DNAH11: variants seen among roughly 807,000 people sequenced by gnomAD.
DNAH11 encodes axonemal beta dynein heavy chain 11.
A neutral mutation model predicts 526.0 loss-of-function variants in DNAH11; 442 were observed. That is an observed-to-expected ratio of 0.84 (90% CI 0.78 to 0.91). The LOEUF (loss-of-function observed/expected upper bound fraction) is 0.91, where lower values mean the gene tolerates loss of function less well. Among genes scored for constraint, DNAH11 ranks in the 40% least tolerant of loss-of-function variants. The pLI is 0.00. For synonymous variants in DNAH11, 2,461 were observed against 1,935.9 expected, an observed-to-expected ratio of 1.27 and a Z score of -7.12; for missense variants, 6,989 against 5,448.7, an observed-to-expected ratio of 1.28 and a Z score of -8.90.
chr7:21,703,430 C>G (rs1583609473), intron 37 of DNAH11: 1 of 152,478 alleles, frequency 6.6e-6, no homozygotes, highest in Non-Finnish European at 1.5e-5. Context: ...AGAGGTTTAA[C>G]TGACTCACAG....
intron 76 of DNAH11, among the ~76,000 whole-genome samples, chr7:21,891,416 G>A (rs1262173590): frequency 6.6e-6 from 1 of 152,134 alleles, no homozygotes; most frequent in Non-Finnish European, 1.5e-5. Flanking sequence ...TTAAAACAGA[G>A]GGGTTAATGG....
intron 34 of DNAH11, 49 bp downstream of exon 34, chr7:21,687,576 T>A: frequency 1.3e-6 from 2 of 1,580,072 alleles, no homozygotes; most frequent in Non-Finnish European, 1.7e-6. Flanking sequence ...AAACATGGAA[T>A]AATGCAGGTA....
chr7:21,597,914 C>T lies in DNAH11; in HGVS notation c.2668-1873C>T, dbSNP rs187264759. ...ATACTTTCCTAGGGTGTGTACTGCA[C>T]AATTCCAGGGGTGCATGTCACATGA... On this transcript the variant is annotated intron_variant, in intron 14 of 81. Transcript: ENST00000409508. 4.1e-4 allele frequency among the ~76,000 whole-genome samples: 62 copies of T among 152,286 alleles called. 1 individual carries two copies. The highest frequency in any genetic ancestry group is 4.0e-3 in the Admixed American group (61 of 15,304).
chr7:21,683,989 A>G lies in DNAH11; in HGVS notation c.5621+45A>G, dbSNP rs1433517762. 1.9e-6 allele frequency: 3 copies of G among 1,600,176 alleles called. No homozygotes were observed. In the Admixed American group the frequency reaches 5.1e-5, roughly 27 times the overall value. The stretch of plus-strand genomic sequence containing the variant: ...GTCCAGATAGGAAAAACAACCCAAA[A>G]AAGTCCCCTAGTGTGAGAATGAAAA... On this transcript the variant is annotated intron_variant, in intron 32 of 81. Coordinates refer to ENST00000409508, the MANE Select transcript of DNAH11 (RefSeq NM_001277115.2).
intron 66 of DNAH11, among the ~76,000 whole-genome samples, chr7:21,845,518 A>G (rs1005780548): frequency 1.3e-5 from 2 of 152,052 alleles, no homozygotes; most frequent in African/African-American, 4.8e-5. Context: ...AGTTGGCCAT[A>G]TTTCATATGA....
At chr7:21,636,201 G>C in intron 26 of DNAH11, 106 bp downstream of exon 26, 1 of 951,742 alleles carries the variant, frequency 1.1e-6, no homozygotes, top group Non-Finnish European at 1.5e-6. Context: ...TGAGTAAGCA[G>C]GAGTCAGGAG....
chr7:21,695,867 T>C (rs1269498693), intron 35 of DNAH11, among the ~76,000 whole-genome samples: 1 of 151,886 alleles, frequency 6.6e-6, no homozygotes, highest in East Asian at 1.9e-4. Flanking sequence ...ATATCCAGAA[T>C]CTACAAGGAA....
intron 34 of DNAH11, 123 bp downstream of exon 34, chr7:21,687,650 G>A (rs887979840): frequency 7.3e-6 from 9 of 1,235,988 alleles, no homozygotes; most frequent in Non-Finnish European, 9.9e-6. Flanking sequence ...GGAAGATTCT[G>A]GTCGATTTGG....
chr7:21,864,514 T>A, intron 69 of DNAH11, 21 bp from the exon 70 acceptor site: 1 of 1,607,952 alleles, frequency 6.2e-7, no homozygotes, highest in Non-Finnish European at 8.5e-7. Flanking sequence ...ATAATCCTTT[T>A]CAATTTTGTC....
rs753170391 is a variant in DNAH11 at position 21,707,791 on chromosome 7, C to G, written c.6639C>G (p.Leu2213=). ...LNPKAVTTDE[L]FGFIHHATRE... ...CTAAAGCTGTGACAACAGATGAACT[C>G]TTTGGTTTCATACATCATGCTACCC... The change falls in exon 40 of 82, where the codon CTC becomes CTG. Residue 2213 remains leucine, a synonymous_variant. Coordinates refer to ENST00000409508, the MANE Select transcript of DNAH11 (RefSeq NM_001277115.2). 9.3e-6 allele frequency: 15 copies of G among 1,611,418 alleles called. No individual in the cohort carries two copies. The highest frequency in any genetic ancestry group is 1.3e-5 in the Non-Finnish European group (15 of 1,178,948).
chr7:21,656,518 C>G (rs1583568210), intron 29 of DNAH11, among the ~76,000 whole-genome samples: 1 of 152,176 alleles, frequency 6.6e-6, no homozygotes, highest in Non-Finnish European at 1.5e-5. Flanking sequence ...ATATTCTCTC[C>G]TCTCACAGCC....
At chr7:21,586,711 C>T (rs1003560516) in intron 9 of DNAH11, among the ~76,000 whole-genome samples, 7 of 152,102 alleles carry the variant, frequency 4.6e-5, no homozygotes, top group South Asian at 2.1e-4. Flanking sequence ...CTAAACAAGG[C>T]GTGACCTTGG....
intron 51 of DNAH11, 141 bp downstream of exon 51, chr7:21,745,204 A>G: frequency 1.1e-6 from 1 of 895,060 alleles, no homozygotes; most frequent in South Asian, 2.0e-5. Context: ...TAAAATATAA[A>G]AGGGTCGCTT....
At chr7:21,652,589 T>C (rs543213755) in intron 28 of DNAH11, among the ~76,000 whole-genome samples, 2 of 152,316 alleles carry the variant, frequency 1.3e-5, no homozygotes, top group African/African-American at 4.8e-5. Context: ...GTGAGAAGCT[T>C]TAATGTTTTG....
intron 39 of DNAH11, among the ~76,000 whole-genome samples, chr7:21,706,671 G>A (rs184849234): frequency 6.6e-6 from 1 of 152,160 alleles, no homozygotes; most frequent in East Asian, 1.9e-4. Context: ...CTTTCTTCTA[G>A]TCTTCACCAG....
rs766063976 is a variant in DNAH11 at position 21,559,625 on chromosome 7, ATAC to A, written c.717_719del (p.Leu240del). On this transcript the variant is annotated inframe_deletion, in exon 4 of 82. Coordinates refer to ENST00000409508, the MANE Select transcript of DNAH11 (RefSeq NM_001277115.2). ...TAGGCCACCGTCAAACGAAAGGATA[ATAC>A]TTCATGCAATTGAATCTGTGGTTAT... 17 of 1,610,142 alleles carry A rather than the reference ATAC, an allele frequency of 1.1e-5. No individual in the cohort carries two copies. Among genetic ancestry groups the A allele is most frequent in the Non-Finnish European group, 1.4e-5 (17 of 1,178,276 alleles).
intron 81 of DNAH11, 141 bp downstream of exon 81, chr7:21,900,261 A>G: frequency 9.8e-7 from 1 of 1,015,668 alleles, no homozygotes; most frequent in South Asian, 2.9e-5. Context: ...CTTCCTCTTA[A>G]ATAATTTAAG....
At chr7:21,834,718 T>C (rs1460250508) in intron 65 of DNAH11, among the ~76,000 whole-genome samples, 3 of 152,112 alleles carry the variant, frequency 2.0e-5, no homozygotes, top group Admixed American at 6.6e-5. Flanking sequence ...TAGTGATGCA[T>C]GCCTGTAGCT....
rs370932895 is a variant in DNAH11, at chr7:21,816,606, G to A, written c.10472G>A (p.Arg3491His). The change falls in exon 64 of 82, where the codon CGC becomes CAC. Residue 3491 changes from arginine to histidine, a missense_variant. Transcript: ENST00000409508. The part of the protein sequence containing the change: ...ENAAILTHCE[R>H]WPLVIDPQQQ... ...GCCGCTATCCTAACACACTGTGAGC[G>A]CTGGCCTCTGGTGATAGATCCCCAG... is the stretch of plus-strand genomic sequence containing the variant. 1,124 of 1,613,728 alleles carry A rather than the reference G, an allele frequency of 7.0e-4. 3 individuals carry two copies. The highest frequency in any genetic ancestry group is 1.8e-3 in the South Asian group (166 of 91,012).
Sources: allele counts gnomAD v4.1 joint callset (sites outside exome capture counted in the v4.1 genomes callset), GRCh38; gene constraint gnomAD v4.1.1; transcripts MANE v1.5; gene names NCBI Gene and HGNC (gene_info 2026-07-23, HGNC 2026-07-21).